RYR2: variants seen among roughly 807,000 people sequenced by gnomAD.
RYR2 encodes cardiac muscle ryanodine receptor-calcium release channel.
In RYR2, 227 loss-of-function variants were observed where a neutral mutation model predicts 601.1. The observed-to-expected ratio is 0.38, with a 90% CI of 0.34 to 0.42. The LOEUF (loss-of-function observed/expected upper bound fraction) is 0.42, where lower values mean the gene tolerates loss of function less well. Among genes scored for constraint, RYR2 ranks in the 10% least tolerant of loss-of-function variants. The pLI, the probability that RYR2 is intolerant of heterozygous loss-of-function variation, is 1.00. For synonymous variants in RYR2, 2,223 were observed against 2,175.1 expected, an observed-to-expected ratio of 1.02 and a Z score of -0.61; for missense variants, 4,646 against 6,156.5, an observed-to-expected ratio of 0.75 and a Z score of 8.21.
chr1:237,427,915 T>C (rs115442532), intron 12 of RYR2, among the ~76,000 whole-genome samples: 1,692 of 151,476 alleles, frequency 0.011, 20 homozygotes, highest in Non-Finnish European at 0.017. Flanking sequence ...CAAGATAGTA[T>C]TCGTAAAACA....
chr1:237,160,233 G>A (rs914261551), intron 1 of RYR2, among the ~76,000 whole-genome samples: 2 of 152,200 alleles, frequency 1.3e-5, no homozygotes, highest in Admixed American at 6.5e-5. Context: ...TATTTCGTTA[G>A]GATCTGCAGG....
intron 2 of RYR2, among the ~76,000 whole-genome samples, chr1:237,279,900 T>C (rs1690680768): frequency 6.6e-6 from 1 of 152,222 alleles, no homozygotes; most frequent in Admixed American, 6.5e-5. Flanking sequence ...TTTCAATTAT[T>C]CTGTATTTCT....
chr1:237,147,141 T>C (rs1459400832), intron 1 of RYR2, among the ~76,000 whole-genome samples: 1 of 152,158 alleles, frequency 6.6e-6, no homozygotes, highest in East Asian at 1.9e-4. Flanking sequence ...CTTAAAAATA[T>C]TAAGTGCCAG....
At chr1:237,469,272 A>AAAC in intron 17 of RYR2, 85 bp downstream of exon 17, 1 of 799,358 alleles carries the variant, frequency 1.3e-6, no homozygotes, top group Non-Finnish European at 1.8e-6. Flanking sequence ...AAAAAAAAAA[A>AAAC]AAAAAAACAA....
chr1:237,159,907 T>G (rs1572051521), intron 1 of RYR2, among the ~76,000 whole-genome samples: 1 of 152,302 alleles, frequency 6.6e-6, no homozygotes, highest in Admixed American at 6.5e-5. Context: ...TAACGTGCAC[T>G]TGAAAACTTA....
rs770725671 is a variant in RYR2, at chr1:237,609,842, A to G, written c.4684-920A>G. On this transcript the variant is annotated intron_variant, in intron 35 of 104. Coordinates refer to ENST00000366574, the MANE Select transcript of RYR2 (RefSeq NM_001035.3). Reference sequence around the variant, plus strand: ...TTAATTTACTTATTGATTTTATTTCATACTTTCAGTGAGAAAAATGGAAGC... The same window carrying G: ...TTAATTTACTTATTGATTTTATTTCGTACTTTCAGTGAGAAAAATGGAAGC... Among the ~76,000 whole-genome samples, 8 of 152,134 alleles carry G rather than the reference A, an allele frequency of 5.3e-5. No individual in the cohort carries two copies. The South Asian group carries it at 1.0e-3, about 20-fold the overall frequency.
At chr1:237,821,047 C>G (rs1028758973) in intron 101 of RYR2, among the ~76,000 whole-genome samples, 1 of 152,176 alleles carries the variant, frequency 6.6e-6, no homozygotes, top group South Asian at 2.1e-4. Flanking sequence ...AGATAAAACC[C>G]TCATCTCCTT....
At chr1:237,490,906 T>C (rs1572564828) in intron 17 of RYR2, among the ~76,000 whole-genome samples, 1 of 152,292 alleles carries the variant, frequency 6.6e-6, no homozygotes, top group Non-Finnish European at 1.5e-5. Flanking sequence ...TCCACAGGGT[T>C]CCTCTGGGGC....
chr1:237,435,892 T>A (rs1707305184), intron 12 of RYR2, among the ~76,000 whole-genome samples: 1 of 152,124 alleles, frequency 6.6e-6, no homozygotes, highest in South Asian at 2.1e-4. Context: ...TTAATGAGAT[T>A]GTGAGGGCTG....
intron 1 of RYR2, among the ~76,000 whole-genome samples, chr1:237,208,962 A>ATATATATATATATATATATGTG (rs1682175202): frequency 9.6e-6 from 1 of 103,924 alleles, no homozygotes; most frequent in African/African-American, 3.2e-5. Flanking sequence ...ATATATATAT[A>ATATATATATATATATATATGTG]TATATATATA....
chr1:237,236,697 A>C (rs2149213372), intron 1 of RYR2, among the ~76,000 whole-genome samples: 1 of 152,334 alleles, frequency 6.6e-6, no homozygotes, highest in South Asian at 2.1e-4. Flanking sequence ...CAAGAGAAAA[A>C]GAACTTAGAT....
intron 73 of RYR2, 59 bp from the exon 74 acceptor site, chr1:237,723,069 T>C (rs1573676039): frequency 6.7e-7 from 1 of 1,482,552 alleles, no homozygotes; most frequent in Non-Finnish European, 9.2e-7. Context: ...TATCTTTAGA[T>C]TGTAACCTTG....
chr1:237,125,502 G>A (rs564693800), intron 1 of RYR2, among the ~76,000 whole-genome samples: 9 of 151,674 alleles, frequency 5.9e-5, no homozygotes, highest in East Asian at 3.9e-4. Flanking sequence ...TTGAGTAAAC[G>A]CTTTAACATA....
intron 4 of RYR2, among the ~76,000 whole-genome samples, chr1:237,363,104 G>A (rs956679369): frequency 2.6e-5 from 4 of 151,338 alleles, no homozygotes; most frequent in African/African-American, 9.7e-5. Flanking sequence ...AAAATCTCAT[G>A]AAGAAAGTAT....
chr1:237,670,315 G>C (rs1426346866), intron 58 of RYR2, among the ~76,000 whole-genome samples: 1 of 132,674 alleles, frequency 7.5e-6, no homozygotes, highest in Non-Finnish European at 1.6e-5. Flanking sequence ...AGACTGGAGA[G>C]GGAGAGGGAG....
At chr1:237,600,124 G>A (rs1676335403) in intron 34 of RYR2, among the ~76,000 whole-genome samples, 2 of 151,982 alleles carry the variant, frequency 1.3e-5, no homozygotes, top group Non-Finnish European at 2.9e-5. Flanking sequence ...AGCAGCCAAA[G>A]CAATCTTGAG....
intron 84 of RYR2, among the ~76,000 whole-genome samples, chr1:237,769,655 A>G (rs1694112907): frequency 6.6e-6 from 1 of 152,164 alleles, no homozygotes; most frequent in Non-Finnish European, 1.5e-5. Flanking sequence ...GTGATCATTC[A>G]TAATTTCACT....
intron 22 of RYR2, among the ~76,000 whole-genome samples, chr1:237,505,203 C>T (rs531694748): frequency 3.3e-5 from 5 of 152,152 alleles, no homozygotes; most frequent in Non-Finnish European, 7.3e-5. Flanking sequence ...TACCATATTA[C>T]TTGGCAAATA....
At chr1:237,234,381 C>T (rs148352511) in intron 1 of RYR2, among the ~76,000 whole-genome samples, 43 of 152,184 alleles carry the variant, frequency 2.8e-4, no homozygotes, top group Admixed American at 1.0e-3. Flanking sequence ...ATAATATTTC[C>T]CAGAATGTGC....
Sources: allele counts gnomAD v4.1 joint callset (sites outside exome capture counted in the v4.1 genomes callset), GRCh38; gene constraint gnomAD v4.1.1; transcripts MANE v1.5; gene names NCBI Gene and HGNC (gene_info 2026-07-23, HGNC 2026-07-21).